Variants in BCO1 observed in about 807,000 individuals in gnomAD.
The protein encoded by BCO1 is beta,beta-carotene 15,15'-dioxygenase.
A neutral mutation model predicts 56.3 loss-of-function variants in BCO1; 54 were observed. That is an observed-to-expected ratio of 0.96 (90% CI 0.77 to 1.20). The LOEUF is 1.20. Ranked by LOEUF, BCO1 falls within the 50% of genes most tolerant of loss-of-function variation. The pLI is 0.00. For synonymous variants in BCO1, 318 were observed against 266.1 expected (o/e 1.20, Z -1.90); for missense variants, 801 against 690.9 (o/e 1.16, Z -1.79).
chr16:81,284,020 C>A (rs572809269), intron 8 of BCO1, among the ~76,000 whole-genome samples: 157 of 149,336 alleles, frequency 1.1e-3, no homozygotes, highest in African/African-American at 3.3e-3. Flanking sequence ...CCTGTCTCTA[C>A]TGAAAATACA....
At chr16:81,257,020 G>A (rs546641322) in intron 2 of BCO1, among the ~76,000 whole-genome samples, 13 of 152,276 alleles carry the variant, frequency 8.5e-5, no homozygotes, top group African/African-American at 3.1e-4. Flanking sequence ...ACGCCTGCAA[G>A]AAGGGTTCTG....
At chr16:81,273,932 A>T (rs1291543195) in intron 7 of BCO1, among the ~76,000 whole-genome samples, 1 of 152,212 alleles carries the variant, frequency 6.6e-6, no homozygotes, top group Non-Finnish European at 1.5e-5. Context: ...AGAAAAAGGC[A>T]TTGATTTTCT....
chr16:81,257,200 A>T (rs1906193468), intron 2 of BCO1, among the ~76,000 whole-genome samples: 1 of 151,534 alleles, frequency 6.6e-6, no homozygotes. Context: ...GCTGGGAAGG[A>T]CCTCCTCTCA....
Position 81,280,845 on chromosome 16 carries a change from G to T in BCO1, c.1102-12G>T. ...GTTTTTATTTTACTTTTTGAAAACT[G>T]AATTTTTTCAGAATGCAGAAGTGGG... is the stretch of plus-strand genomic sequence containing the variant. On this transcript the variant is annotated splice_polypyrimidine_tract_variant and intron_variant, in intron 7 of 10. Transcript: ENST00000258168. 2 of 1,601,760 alleles carry T rather than the reference G, an allele frequency of 1.2e-6. No individual in the cohort carries two copies. Among genetic ancestry groups the T allele is most frequent in the Non-Finnish European group, 8.6e-7 (1 of 1,168,684 alleles).
chr16:81,254,830 TC>T (rs1464397100), intron 2 of BCO1, among the ~76,000 whole-genome samples: 1 of 152,168 alleles, frequency 6.6e-6, no homozygotes, highest in Non-Finnish European at 1.5e-5. Flanking sequence ...AGGGTCTTGC[TC>T]TGTTGCCCAG....
rs1019510551 is a variant in BCO1, at chr16:81,290,946, A to G, written c.*369A>G. 5.1e-6 allele frequency: 1 copy of G among 197,378 alleles called. No individual in the cohort carries two copies. The highest frequency in any genetic ancestry group is 1.0e-5 in the Non-Finnish European group (1 of 95,274). 12.2% of individuals were successfully genotyped at this position (197,378 alleles called of 1,614,324 possible). On this transcript the variant is annotated 3_prime_UTR_variant, in exon 11 of 11. Coordinates refer to ENST00000258168, the MANE Select transcript of BCO1 (RefSeq NM_017429.3). ...GAGAAGAGGCAGATAATTATTTATC[A>G]TTGTGCCTTCCTCTGTCTCTTTCTC...
chr16:81,247,556 C>T (rs1323579098), intron 2 of BCO1, among the ~76,000 whole-genome samples: 6 of 151,666 alleles, frequency 4.0e-5, no homozygotes, highest in East Asian at 3.9e-4. Context: ...GACAGAGTTT[C>T]GCTCTTGTTG....
chr16:81,286,146 C>T (rs1908167631), intron 9 of BCO1, among the ~76,000 whole-genome samples: 1 of 152,054 alleles, frequency 6.6e-6, no homozygotes, highest in Non-Finnish European at 1.5e-5. Context: ...CCTCAGCCAC[C>T]AAAAGTGCTG....
chr16:81,267,606 CTA>C (rs1422772986), intron 5 of BCO1, among the ~76,000 whole-genome samples: 1 of 152,144 alleles, frequency 6.6e-6, no homozygotes, highest in African/African-American at 2.4e-5. Context: ...GAGGGAGACT[CTA>C]TCTCAGACAA....
intron 1 of BCO1, among the ~76,000 whole-genome samples, chr16:81,243,489 G>C (rs1279159474): frequency 8.4e-6 from 1 of 119,368 alleles, no homozygotes; most frequent in Non-Finnish European, 1.8e-5. Flanking sequence ...TCATTTATGA[G>C]ACGGAGTCTT....
intron 7 of BCO1, among the ~76,000 whole-genome samples, chr16:81,276,700 G>A (rs75106878): frequency 0.021 from 3,252 of 152,318 alleles, 121 homozygotes; most frequent in African/African-American, 0.074. Flanking sequence ...ACTACGAGTT[G>A]TTATTGTACA....
intron 2 of BCO1, among the ~76,000 whole-genome samples, chr16:81,254,637 C>G (rs946615870): frequency 5.9e-5 from 9 of 152,046 alleles, no homozygotes; most frequent in African/African-American, 2.2e-4. Context: ...GTCATTGCCA[C>G]TGGAATGTAC....
chr16:81,246,798 C>G (rs1184995840), intron 2 of BCO1, among the ~76,000 whole-genome samples: 1 of 143,084 alleles, frequency 7.0e-6, no homozygotes, highest in Non-Finnish European at 1.5e-5. Context: ...TTGCAGTGAG[C>G]TGAAATTGTG....
At chr16:81,246,624 G>T (rs1905434005) in intron 2 of BCO1, among the ~76,000 whole-genome samples, 1 of 152,000 alleles carries the variant, frequency 6.6e-6, no homozygotes, top group Admixed American at 6.6e-5. Flanking sequence ...GCCAAGGCAG[G>T]CAGATCATTC....
rs1055863782 is a variant in BCO1 at position 81,267,886 on chromosome 16, G to C, written c.620-22G>C. ...CAGCCAGATCCTGCACAATTCCTGA[G>C]GCTTGCTTTTTGTCTTGCTAGAGGG... On this transcript the variant is annotated intron_variant, in intron 5 of 10. Coordinates refer to ENST00000258168, the MANE Select transcript of BCO1 (RefSeq NM_017429.3). 9 of 1,609,754 alleles carry C rather than the reference G, an allele frequency of 5.6e-6. No homozygotes were observed. In the African/African-American group the frequency reaches 6.7e-5, roughly 12 times the overall value.
At chr16:81,261,417 A>C (rs1358129385) in intron 3 of BCO1, among the ~76,000 whole-genome samples, 1 of 152,174 alleles carries the variant, frequency 6.6e-6, no homozygotes, top group Non-Finnish European at 1.5e-5. Context: ...TTCCTGGATA[A>C]ATTCGAGATA....
Position 81,290,612 on chromosome 16 carries a change from G to C in BCO1, c.*35G>C. Reference sequence around the variant, plus strand: ...GGTTTGGGTAGGGGAGGGGAGCTCGGCTGTCAGAACTCCATGGATATGTTT... The same window carrying C: ...GGTTTGGGTAGGGGAGGGGAGCTCGCCTGTCAGAACTCCATGGATATGTTT... On this transcript the variant is annotated 3_prime_UTR_variant, in exon 11 of 11. Coordinates refer to ENST00000258168, the MANE Select transcript of BCO1 (RefSeq NM_017429.3). 1 of 1,536,280 alleles carries C rather than the reference G, an allele frequency of 6.5e-7. No individual in the cohort carries two copies. Among genetic ancestry groups the C allele is most frequent in the South Asian group, 1.1e-5 (1 of 89,576 alleles).
rs530676028 is a variant in BCO1, at chr16:81,250,578, C to CTTTTTTTT, written c.193+4988_193+4995dup. 6.8e-4 allele frequency among the ~76,000 whole-genome samples: 72 copies of CTTTTTTTT among 105,484 alleles called. 3 individuals carry two copies. Among genetic ancestry groups the CTTTTTTTT allele is most frequent in the African/African-American group, 2.6e-3 (67 of 26,104 alleles). 69.2% of individuals were successfully genotyped at this position (105,484 alleles called of 152,430 possible). On this transcript the variant is annotated intron_variant, in intron 2 of 10. Transcript: ENST00000258168. ...TTGTGTGCCTCCTTTCTCAATAAAG[C>CTTTTTTTT]TTTTTTTTTTTTTTTTTTTTGAGAT... is the stretch of plus-strand genomic sequence containing the variant.
rs1310951145 is a variant in BCO1 at position 81,259,685 on chromosome 16, A to G, written c.203A>G (p.Tyr68Cys). Residue 68 changes from tyrosine to cysteine, a missense_variant, in exon 3 of 11, where the codon TAT becomes TGT. Transcript: ENST00000258168. ...HSFTIRDGEV[Y>C]YRSKYLRSDT... is the part of the protein sequence containing the mutation. ...GGTTCTTCTCTTGCAGGTGAAGTCT[A>G]TTACAGGAGCAAATACCTGAGAAGC... is the stretch of plus-strand genomic sequence containing the variant. The G allele has an allele frequency of 2.5e-6, 4 of 1,614,064 alleles. No individual in the cohort carries two copies. Among genetic ancestry groups the G allele is most frequent in the Middle Eastern group, 1.6e-4 (1 of 6,084 alleles).
Sources: allele counts gnomAD v4.1 joint callset (sites outside exome capture counted in the v4.1 genomes callset), GRCh38; gene constraint gnomAD v4.1.1; transcripts MANE v1.5; gene names NCBI Gene and HGNC (gene_info 2026-07-23, HGNC 2026-07-21).